The following FOCAD variants were observed in gnomAD, a reference collection of about 807,000 sequenced individuals.
FOCAD encodes the protein KIAA1797.
FOCAD carries 198 observed loss-of-function variants against 225.6 expected under a neutral mutation model. The observed-to-expected ratio is 0.88, with a 90% confidence interval of 0.78 to 0.99. FOCAD has a LOEUF of 0.99. Ranked by LOEUF, FOCAD falls within the 50% of genes least tolerant of loss-of-function variation. FOCAD has a pLI of 0.00. For missense variants in FOCAD, 2,713 were observed against 2,123.6 expected (o/e 1.28, Z -5.46); for synonymous variants, 897 against 755.0 (o/e 1.19, Z -3.08).
chr9:20,745,912 G>A (rs1282407468), intron 5 of FOCAD, among the ~76,000 whole-genome samples: 1 of 152,156 alleles, frequency 6.6e-6, no homozygotes, highest in African/African-American at 2.4e-5. Flanking sequence ...CTCTATGTTT[G>A]TATTTGTTCA....
chr9:20,660,726 T>G (rs548719919), intron 2 of FOCAD, among the ~76,000 whole-genome samples: 1 of 151,906 alleles, frequency 6.6e-6, no homozygotes, highest in Admixed American at 6.6e-5. Context: ...ATGTGAAAAG[T>G]AGGAGAAAGC....
intron 8 of FOCAD, 53 bp from the exon 9 acceptor site, chr9:20,778,628 C>G: frequency 1.1e-6 from 1 of 926,266 alleles, no homozygotes; most frequent in South Asian, 1.4e-5. Flanking sequence ...GTTACAAAGC[C>G]ATGATTCTGG....
intron 15 of FOCAD, among the ~76,000 whole-genome samples, chr9:20,829,705 C>A (rs1489687955): frequency 6.6e-6 from 1 of 152,018 alleles, no homozygotes; most frequent in Non-Finnish European, 1.5e-5. Context: ...ACAAAGAGAG[C>A]TTATCAAACC....
chr9:20,986,365 T>C lies in FOCAD; in HGVS notation c.4806T>C (p.Asp1602=), dbSNP rs908963532. 3.1e-6 allele frequency: 5 copies of C among 1,603,970 alleles called. No individual in the cohort carries two copies. The highest frequency in any genetic ancestry group is 4.3e-6 in the Non-Finnish European group (5 of 1,175,820). The change falls in exon 40 of 44, where the codon GAT becomes GAC. Residue 1602 remains aspartate (D), a synonymous_variant. Coordinates refer to ENST00000338382, the MANE Select transcript of FOCAD (RefSeq NM_001375567.1). The part of the protein sequence containing the change: ...QGRFPLVNLT[D]MLSVAVQHRE... ...GATTCCCCTTGGTGAACCTGACCGA[T>C]ATGCTGAGCGTTGCTGTGCAGCACC...
chr9:20,871,604 A>G (rs1470089988), intron 18 of FOCAD, among the ~76,000 whole-genome samples: 1 of 151,666 alleles, frequency 6.6e-6, no homozygotes, highest in Non-Finnish European at 1.5e-5. Context: ...GAACTTACTC[A>G]TGTAACCAAA....
At chr9:20,755,721 A>T (rs1828987884) in intron 5 of FOCAD, among the ~76,000 whole-genome samples, 1 of 152,186 alleles carries the variant, frequency 6.6e-6, no homozygotes, top group South Asian at 2.1e-4. Context: ...CTTTATAGCG[A>T]TATGGTTCTT....
intron 20 of FOCAD, among the ~76,000 whole-genome samples, chr9:20,882,778 C>G (rs749726313): frequency 6.6e-6 from 1 of 152,170 alleles, no homozygotes; most frequent in Non-Finnish European, 1.5e-5. Context: ...GCCAATTTCT[C>G]TCAAGTTATT....
At chr9:20,713,424 G>T (rs1825035783) in intron 1 of FOCAD, among the ~76,000 whole-genome samples, 2 of 152,126 alleles carry the variant, frequency 1.3e-5, no homozygotes, top group African/African-American at 4.8e-5. Flanking sequence ...CTGTTCACAT[G>T]CCACCCTCTC....
At chr9:20,876,624 G>C (rs533491450) in intron 19 of FOCAD, among the ~76,000 whole-genome samples, 2 of 152,300 alleles carry the variant, frequency 1.3e-5, no homozygotes, top group Non-Finnish European at 2.9e-5. Flanking sequence ...TAATTTGAGT[G>C]AGGTGGGTGA....
At chr9:20,773,688 A>G (rs889136233) in intron 8 of FOCAD, among the ~76,000 whole-genome samples, 3 of 152,024 alleles carry the variant, frequency 2.0e-5, no homozygotes, top group African/African-American at 7.2e-5. Flanking sequence ...TCACTGTAAT[A>G]TGTTTTGGGG....
chr9:20,874,658 GATCTT>G lies in FOCAD; in HGVS notation c.2191-22_2191-18del. 6.2e-7 allele frequency: 1 copy of G among 1,609,494 alleles called. No individual in the cohort carries two copies. Among genetic ancestry groups the G allele is most frequent in the Non-Finnish European group, 8.5e-7 (1 of 1,178,014 alleles). ...AATGTTTTATTATTATCCTCTCTATGATCTTTTCGCTTATCATTTCAGATAAGACC... is the reference window on the plus strand; with the variant it reads ...AATGTTTTATTATTATCCTCTCTATGTTCGCTTATCATTTCAGATAAGACC... On this transcript the variant is annotated intron_variant, in intron 18 of 43. Coordinates refer to ENST00000338382, the MANE Select transcript of FOCAD (RefSeq NM_001375567.1).
chr9:20,843,746 C>T (rs1826790868), intron 15 of FOCAD, among the ~76,000 whole-genome samples: 1 of 152,030 alleles, frequency 6.6e-6, no homozygotes, highest in Non-Finnish European at 1.5e-5. Flanking sequence ...TTTTCCTTCT[C>T]TATAGTTCAT....
intron 2 of FOCAD, among the ~76,000 whole-genome samples, chr9:20,660,855 G>A (rs1821694791): frequency 2.0e-5 from 3 of 152,166 alleles, no homozygotes. Context: ...AATTATGGCA[G>A]AGAAGGATAT....
chr9:20,971,479 G>A (rs774301533), intron 35 of FOCAD, among the ~76,000 whole-genome samples: 13 of 151,414 alleles, frequency 8.6e-5, no homozygotes, highest in Admixed American at 5.3e-4. Flanking sequence ...TGCTCCTGTT[G>A]CTTAGGCTGG....
intron 1 of FOCAD, among the ~76,000 whole-genome samples, chr9:20,685,442 A>C (rs1249216091): frequency 6.6e-6 from 1 of 152,226 alleles, no homozygotes; most frequent in Non-Finnish European, 1.5e-5. Context: ...ATTATGTTTT[A>C]CTGTGTCAAC....
At chr9:20,893,766 A>G (rs1463575873) in intron 21 of FOCAD, among the ~76,000 whole-genome samples, 6 of 152,196 alleles carry the variant, frequency 3.9e-5, no homozygotes, top group African/African-American at 1.4e-4. Context: ...GAGCATTCCC[A>G]TACAACTCCC....
intron 1 of FOCAD, among the ~76,000 whole-genome samples, chr9:20,702,968 C>T (rs1824084670): frequency 6.6e-6 from 1 of 152,062 alleles, no homozygotes; most frequent in Admixed American, 6.6e-5. Context: ...GATCGTGCCA[C>T]TGCATTCCAG....
chr9:20,789,475 T>C lies in FOCAD; in HGVS notation c.1322T>C (p.Leu441Ser). 6.2e-7 allele frequency: 1 copy of C among 1,614,008 alleles called. No homozygotes were observed. Among genetic ancestry groups the C allele is most frequent in the Non-Finnish European group, 8.5e-7 (1 of 1,179,980 alleles). ...GACTGGTTGGCTTCAGTAGAGTCAT[T>C]GCTTCCTATTACTGCTGTGATCCCT... ...ASDWLASVES[L>S]LPITAVIPAP... The change falls in exon 11 of 44, where the codon TTG (leucine) becomes TCG (serine). Residue 441 changes from leucine (L) to serine (S), a missense_variant. Transcript: ENST00000338382.
Position 20,704,174 on chromosome 9 carries a change from T to A in FOCAD, c.-32-11148T>A, listed in dbSNP as rs561968162. ...ATTTTCACTGTGGTTCTTCTAACAG[T>A]ACTGCGATAACTTTGTTTTTGTCCT... On this transcript the variant is annotated intron_variant, in intron 1 of 43. Coordinates refer to ENST00000338382, the MANE Select transcript of FOCAD (RefSeq NM_001375567.1). 1.8e-4 allele frequency among the ~76,000 whole-genome samples: 28 copies of A among 152,396 alleles called. No individual in the cohort carries two copies. The South Asian group carries it at 4.1e-3, about 23-fold the overall frequency.
Sources: allele counts gnomAD v4.1 joint callset (sites outside exome capture counted in the v4.1 genomes callset), GRCh38; gene constraint gnomAD v4.1.1; transcripts MANE v1.5; gene names NCBI Gene and HGNC (gene_info 2026-07-23, HGNC 2026-07-21).